PDE4DIP: variants seen among roughly 807,000 people sequenced by gnomAD.
PDE4DIP encodes the protein phosphodiesterase 4D interacting protein, also known as myomegalin.
A neutral mutation model predicts 221.4 loss-of-function variants in PDE4DIP; 59 were observed. That is an observed-to-expected ratio of 0.27 (90% CI 0.22 to 0.33). The LOEUF (loss-of-function observed/expected upper bound fraction) is 0.33. Among genes scored for constraint, PDE4DIP ranks in the 10% least tolerant of loss-of-function variants. The pLI is 1.00. For synonymous variants in PDE4DIP, 404 were observed against 815.9 expected (o/e 0.50, Z 8.60); for missense variants, 1,036 against 2,154.2 (o/e 0.48, Z 10.28).
exon 23 of PDE4DIP, chr1:148,998,332 G>C: frequency 6.2e-7 from 1 of 1,606,670 alleles, no homozygotes; most frequent in Non-Finnish European, 8.5e-7. Context: ...GGAGCTAAAG[G>C]CTCAAATTGA....
At chr1:149,010,712 C>T in intron 31 of PDE4DIP, 117 bp downstream of exon 34, 1 of 839,482 alleles carries the variant, frequency 1.2e-6, no homozygotes, top group Non-Finnish European at 1.9e-6. Context: ...AAAACCTAGA[C>T]AGAATCGAGA....
intron 21 of PDE4DIP, chr1:148,984,493 T>G (rs1258074674): frequency 6.6e-6 from 1 of 152,068 alleles, no homozygotes; most frequent in Non-Finnish European, 1.5e-5. Flanking sequence ...TTTACACAGT[T>G]TATGCATAAG....
intron 1 of PDE4DIP, among the ~76,000 whole-genome samples, chr1:148,836,806 A>G (rs376812092): frequency 3.3e-3 from 366 of 109,424 alleles, no homozygotes; most frequent in Middle Eastern, 0.012. Flanking sequence ...TTTCTCTTCT[A>G]TAAAAAGAGG....
chr1:148,821,072 C>T (rs1439158674), intron 1 of PDE4DIP, among the ~76,000 whole-genome samples: 2 of 149,820 alleles, frequency 1.3e-5, no homozygotes, highest in African/African-American at 5.0e-5. Context: ...AGGATGGTCT[C>T]GATCTCCTGA....
chr1:149,032,160 T>G, exon 44 of PDE4DIP: 1 of 1,297,800 alleles, frequency 7.7e-7, no homozygotes, highest in Non-Finnish European at 1.1e-6. Context: ...TGTATCCTGG[T>G]GGAGCTGGGA....
intron 21 of PDE4DIP, among the ~76,000 whole-genome samples, chr1:148,987,471 C>T (rs587596830): frequency 3.5e-4 from 54 of 152,200 alleles, no homozygotes; most frequent in African/African-American, 1.2e-3. Context: ...TTGTAATGAA[C>T]GCATGGCAGT....
intron 20 of PDE4DIP, 66 bp downstream of exon 23, chr1:148,979,915 T>A: frequency 6.4e-7 from 1 of 1,555,786 alleles, no homozygotes; most frequent in Non-Finnish European, 8.8e-7. Context: ...CTATTGTATT[T>A]ATGCCTTTTA....
Position 149,010,597 on chromosome 1 carries a change from T to C in PDE4DIP, c.5080+2T>C. 6.2e-7 allele frequency: 1 copy of C among 1,613,562 alleles called. No homozygotes were observed. Among genetic ancestry groups the C allele is most frequent in the Non-Finnish European group, 8.5e-7 (1 of 1,179,738 alleles). On this transcript the variant is annotated splice_donor_variant, in intron 31 of 43. Transcript: ENST00000369354. LOFTEE classifies it high-confidence loss of function. ...AGGAGGCCAACCAGGCCCATTCAGG[T>C]ATGCAACAGCCAATGGGGCAGAAGC...
At chr1:149,010,557 C>A in exon 31 of PDE4DIP, 1 of 1,614,122 alleles carries the variant, frequency 6.2e-7, no homozygotes, top group Non-Finnish European at 8.5e-7. Context: ...TTGCCAACTC[C>A]CCAGAATACC....
intron 14 of PDE4DIP, among the ~76,000 whole-genome samples, chr1:148,971,396 A>G (rs587683613): frequency 1.3e-5 from 2 of 149,030 alleles, no homozygotes; most frequent in Admixed American, 6.7e-5. Context: ...AAGCACAGTA[A>G]GAAGTGTTGG....
intron 9 of PDE4DIP, among the ~76,000 whole-genome samples, chr1:148,963,908 C>T (rs1243626894): frequency 6.7e-6 from 1 of 148,882 alleles, no homozygotes; most frequent in Non-Finnish European, 1.5e-5. Context: ...CACTGGCCGC[C>T]ACCACGCCCG....
At chr1:149,013,781 C>T (rs1264735585) in intron 32 of PDE4DIP, among the ~76,000 whole-genome samples, 1 of 31,942 alleles carries the variant, frequency 3.1e-5, no homozygotes, top group Non-Finnish European at 5.1e-5. Flanking sequence ...CCTTCTTCCT[C>T]TTTTTTTTTT....
chr1:148,935,514 C>T (rs1289691983), intron 4 of PDE4DIP, among the ~76,000 whole-genome samples: 1 of 38,230 alleles, frequency 2.6e-5, no homozygotes, highest in East Asian at 6.0e-4. Flanking sequence ...TTTGTTCAAT[C>T]TCCTCCTTCT....
At chr1:148,968,283 C>A (rs1553520850) in intron 13 of PDE4DIP, among the ~76,000 whole-genome samples, 1 of 151,710 alleles carries the variant, frequency 6.6e-6, no homozygotes, top group South Asian at 2.1e-4. Flanking sequence ...GAGGAGGAAA[C>A]AGACTTCTGA....
intron 1 of PDE4DIP, among the ~76,000 whole-genome samples, chr1:148,847,974 G>T (rs1269507017): frequency 3.3e-5 from 1 of 30,126 alleles, no homozygotes; most frequent in Non-Finnish European, 5.6e-5. Context: ...AGTTATCAGG[G>T]AAATGCAAAT....
chr1:148,934,503 C>T (rs2048763351), intron 4 of PDE4DIP, among the ~76,000 whole-genome samples: 1 of 152,192 alleles, frequency 6.6e-6, no homozygotes, highest in Non-Finnish European at 1.5e-5. Flanking sequence ...TAGAGATGTT[C>T]TAGTGCAGAT....
Position 149,028,579 on chromosome 1 carries a change from T to C in PDE4DIP, c.6689T>C (p.Ile2230Thr). The C allele has an allele frequency of 1.9e-6, 3 of 1,610,978 alleles. No individual in the cohort carries two copies. The Admixed American group carries it at 5.0e-5, about 27-fold the overall frequency. Residue 2230 changes from isoleucine (I) to threonine (T), a missense_variant, in exon 41 of 44, where the codon ATT becomes ACT. By Grantham distance (89) the Ile-to-Thr change is moderately conservative. Coordinates refer to ENST00000369354, the Ensembl canonical transcript of PDE4DIP. ...CCCCAGGTGCTAGGCAGCAAAGGTATTCATGAGCTTCGGAGCAGCACCAGT... is the reference window on the plus strand; with the variant it reads ...CCCCAGGTGCTAGGCAGCAAAGGTACTCATGAGCTTCGGAGCAGCACCAGT...
At chr1:148,982,479 T>C (rs1337533835) in intron 21 of PDE4DIP, 1 of 152,228 alleles carries the variant, frequency 6.6e-6, no homozygotes, top group Non-Finnish European at 1.5e-5. Flanking sequence ...TACAGATGTA[T>C]GTTTATAGTT....
At chr1:148,827,686 A>T (rs1778739) in intron 1 of PDE4DIP, among the ~76,000 whole-genome samples, 12,889 of 78,414 alleles carry the variant, frequency 0.16, 358 homozygotes, top group East Asian at 0.38. Context: ...AATACTAATG[A>T]TTGTGTCTGT....
Sources: gnomAD v4.1 joint callset for allele counts (sites outside exome capture counted in the v4.1 genomes callset) on GRCh38, gnomAD v4.1.1 for gene constraint, MANE v1.5 for transcripts, NCBI Gene and HGNC (gene_info 2026-07-23, HGNC 2026-07-21) for gene names.